Variants in TOMM40 observed in about 807,000 individuals in gnomAD.
TOMM40 encodes mitochondrial import receptor subunit TOM40 homolog.
A neutral mutation model predicts 38.4 loss-of-function variants in TOMM40; 9 were observed. The observed-to-expected ratio is 0.23, with a 90% confidence interval of 0.14 to 0.41. The LOEUF (loss-of-function observed/expected upper bound fraction) is 0.41, where lower values mean the gene tolerates loss of function less well. Ranked by LOEUF, TOMM40 falls within the 10% of genes least tolerant of loss-of-function variation. The probability of loss-of-function intolerance (pLI) is 1.00; values close to 1 mark genes in which losing one functional copy is unlikely to be tolerated. For synonymous variants in TOMM40, 184 were observed against 210.0 expected (o/e 0.88, Z 1.07); for missense variants, 299 against 486.5 (o/e 0.61, Z 3.63).
At chr19:44,894,921 G>C (rs1183932546) in intron 5 of TOMM40, among the ~76,000 whole-genome samples, 3 of 152,222 alleles carry the variant, frequency 2.0e-5, no homozygotes, top group African/African-American at 4.8e-5. Context: ...ACTCCAAAGG[G>C]GGTACCACTG....
chr19:44,891,441 C>A lies in TOMM40; in HGVS notation c.26C>A (p.Ser9Ter). Residue 9 changes from serine to a stop codon, truncating the protein, a stop_gained, in exon 1 of 9, where the codon TCG becomes TAG. Transcript: ENST00000426677. LOFTEE classifies it high-confidence loss of function. MGNVLAASSPPAGPPPPPA... is the reference protein window; with the variant it reads MGNVLAAS ...ATGGGGAACGTGTTGGCTGCCAGCT[C>A]GCCGCCCGCAGGGCCGCCACCGCCG... 2 of 1,293,616 alleles carry A rather than the reference C, an allele frequency of 1.5e-6. No individual in the cohort carries two copies. The highest frequency in any genetic ancestry group is 5.2e-5 in the South Asian group (2 of 38,546). The allele number at this position is 1,293,616 out of a possible 1,614,324, so 80.1% of individuals were successfully genotyped here.
intron 2 of TOMM40, 45 bp downstream of exon 2, chr19:44,892,505 G>T: frequency 1.3e-6 from 2 of 1,578,256 alleles, no homozygotes; most frequent in Non-Finnish European, 1.7e-6. Context: ...CGTCCCCGCC[G>T]TCCCCCTCCC....
chr19:44,897,027 G>A (rs940450510), intron 5 of TOMM40, among the ~76,000 whole-genome samples: 14 of 152,136 alleles, frequency 9.2e-5, no homozygotes, highest in Admixed American at 2.6e-4. Flanking sequence ...CTATTCTGAA[G>A]CTGAGGCCAA....
In TOMM40 at chr19:44,901,269, G is replaced by T; in HGVS notation, c.905G>T (p.Gly302Val). The T allele has an allele frequency of 6.2e-7, 1 of 1,614,050 alleles. No homozygotes were observed. Among genetic ancestry groups the T allele is most frequent in the Non-Finnish European group, 8.5e-7 (1 of 1,179,988 alleles). Residue 302 changes from glycine (G) to valine (V), a missense_variant, in exon 8 of 9, where the codon GGG (glycine) becomes GTG (valine). Gly to Val is a moderately radical substitution (Grantham distance 109, BLOSUM62 -3). Transcript: ENST00000426677. ...ATGCAGGACACCAGCGTCTCCTTCG[G>T]GTACCAGCTGGACCTGCCCAAGGCC... Reference protein sequence around the residue: ...TRMQDTSVSFGYQLDLPKANL... With the variant: ...TRMQDTSVSFVYQLDLPKANL...
Position 44,901,202 on chromosome 19 carries a change from C to A in TOMM40, c.844-6C>A. On this transcript the variant is annotated splice_region_variant and splice_polypyrimidine_tract_variant and intron_variant, in intron 7 of 8. Transcript: ENST00000426677. ...TAATTCTCATGTGTTGCTCCGGCCC[C>A]TCCAGCTGCAGGTGGGTGTGGAGTT... The A allele has an allele frequency of 6.2e-7, 1 of 1,614,124 alleles. No individual in the cohort carries two copies. Among genetic ancestry groups the A allele is most frequent in the Non-Finnish European group, 8.5e-7 (1 of 1,179,984 alleles).
chr19:44,896,931 G>A (rs1200153316), intron 5 of TOMM40, among the ~76,000 whole-genome samples: 1 of 152,208 alleles, frequency 6.6e-6, no homozygotes, highest in Non-Finnish European at 1.5e-5. Context: ...GTACATGCCT[G>A]TAGTCCCAAC....
intron 5 of TOMM40, among the ~76,000 whole-genome samples, chr19:44,900,202 G>A (rs1253652145): frequency 1.3e-5 from 2 of 152,146 alleles, no homozygotes; most frequent in Admixed American, 6.5e-5. Context: ...CTGAGCACTC[G>A]ATTCCTCACA....
intron 6 of TOMM40, 67 bp from the exon 7 acceptor site, chr19:44,900,961 G>T: frequency 6.2e-7 from 1 of 1,610,018 alleles, no homozygotes; most frequent in Non-Finnish European, 8.5e-7. Context: ...GAGGGAGGAG[G>T]CCTGGGTTCC....
chr19:44,893,728 A>G (rs1969510622), intron 3 of TOMM40, 52 bp from the exon 4 acceptor site: 14 of 1,482,682 alleles, frequency 9.4e-6, no homozygotes, highest in East Asian at 2.5e-5. Context: ...CCCATCTCAC[A>G]TACTTGCACA....
Position 44,891,442 on chromosome 19 carries a change from G to A in TOMM40, c.27G>A (p.Ser9=). 2 of 1,292,538 alleles carry A rather than the reference G, an allele frequency of 1.5e-6. No homozygotes were observed. 80.1% of individuals were successfully genotyped at this position (1,292,538 alleles called of 1,614,324 possible). A position where few individuals can be genotyped will look rare whatever the true frequency, so the allele number is the denominator to read the frequency against. Residue 9 remains serine, a synonymous_variant, in exon 1 of 9, where the codon TCG becomes TCA. Transcript: ENST00000426677. ...TGGGGAACGTGTTGGCTGCCAGCTC[G>A]CCGCCCGCAGGGCCGCCACCGCCGC... The part of the protein sequence containing the change: MGNVLAAS[S]PPAGPPPPPA...
chr19:44,894,261 CTTTTT>C (rs35647923), intron 5 of TOMM40, among the ~76,000 whole-genome samples, 195 bp downstream of exon 5: 1 of 133,664 alleles, frequency 7.5e-6, no homozygotes, highest in Non-Finnish European at 1.6e-5. Flanking sequence ...TCAGAGCAGT[CTTTTT>C]TTTTTTTTTT....
chr19:44,893,489 C>A (rs1172512616), intron 3 of TOMM40, among the ~76,000 whole-genome samples: 1 of 152,204 alleles, frequency 6.6e-6, no homozygotes, highest in East Asian at 1.9e-4. Context: ...CATTGCACAA[C>A]ACATTCTGTG....
intron 8 of TOMM40, chr19:44,902,714 C>T (rs575153432): frequency 4.2e-6 from 1 of 239,016 alleles, no homozygotes; most frequent in Non-Finnish European, 8.1e-6. Context: ...GGGGCCACAG[C>T]GGTGACCAGC....
At chr19:44,900,962 C>T in intron 6 of TOMM40, 66 bp from the exon 7 acceptor site, 1 of 1,610,584 alleles carries the variant, frequency 6.2e-7, no homozygotes. Context: ...AGGGAGGAGG[C>T]CTGGGTTCCC....
rs900014425 is a variant in TOMM40 at position 44,891,392 on chromosome 19, T to G, written c.-24T>G. On this transcript the variant is annotated 5_prime_UTR_variant, in exon 1 of 9. Transcript: ENST00000426677. ...CGCGCGGGCCCTGACCTCTGCCCTC[T>G]GACCTCTCCCCTAGCAGGCGACCAT... The G allele has an allele frequency of 4.7e-6, 6 of 1,272,634 alleles. No homozygotes were observed. The allele number at this position is 1,272,634 out of a possible 1,614,324, so 78.8% of individuals were successfully genotyped here. A position where few individuals can be genotyped will look rare whatever the true frequency, so the allele number is the denominator to read the frequency against.
intron 2 of TOMM40, 99 bp downstream of exon 2, chr19:44,892,559 G>A (rs73936968): frequency 0.022 from 25,719 of 1,167,882 alleles, 482 homozygotes; most frequent in African/African-American, 0.078. Context: ...TCAAGAGCTG[G>A]GCTCCCTGAT....
At position 44,903,321 on chromosome 19, in the gene TOMM40, A is replaced by C. The variant is rs547888611; in HGVS notation, c.*152A>C. 20 of 780,026 alleles carry C rather than the reference A, an allele frequency of 2.6e-5. No individual in the cohort carries two copies. The highest frequency in any genetic ancestry group is 3.7e-5 in the Non-Finnish European group (19 of 512,894). 48.3% of individuals were successfully genotyped at this position (780,026 alleles called of 1,614,324 possible). Reference sequence around the variant, plus strand: ...AAAGGAGGGACCCCGCCACCCCAGCAGCTGAGGAGGGGATTCTGGAACTGA... The same window carrying C: ...AAAGGAGGGACCCCGCCACCCCAGCCGCTGAGGAGGGGATTCTGGAACTGA... On this transcript the variant is annotated 3_prime_UTR_variant, in exon 9 of 9. Coordinates refer to ENST00000426677, the MANE Select transcript of TOMM40 (RefSeq NM_001128917.2).
intron 8 of TOMM40, chr19:44,902,795 C>G: frequency 2.1e-6 from 1 of 470,392 alleles, no homozygotes. Context: ...TTGGGGGAAC[C>G]CAGGGGTCTA....
rs145970220 is a variant in TOMM40, at chr19:44,900,802, G to A, written c.716G>A (p.Arg239Gln). ...LALGGELVYHRRPGEEGTVMS... is the reference protein window; with the variant it reads ...LALGGELVYHQRPGEEGTVMS... ...CTGGGTGGAGAGCTGGTCTACCACCGGCGGCCTGGAGAGGAGGGCACTGTC... is the reference window on the plus strand; with the variant it reads ...CTGGGTGGAGAGCTGGTCTACCACCAGCGGCCTGGAGAGGAGGGCACTGTC... The change falls in exon 6 of 9, where the codon CGG becomes CAG. Residue 239 changes from arginine to glutamine, a missense_variant. Coordinates refer to ENST00000426677, the MANE Select transcript of TOMM40 (RefSeq NM_001128917.2). The A allele has an allele frequency of 6.8e-6, 11 of 1,613,866 alleles. No individual in the cohort carries two copies. The highest frequency in any genetic ancestry group is 5.5e-5 in the South Asian group (5 of 91,074).
Sources: allele counts gnomAD v4.1 joint callset (sites outside exome capture counted in the v4.1 genomes callset), GRCh38; gene constraint gnomAD v4.1.1; transcripts MANE v1.5; gene names NCBI Gene and HGNC (gene_info 2026-07-23, HGNC 2026-07-21).